The following GDA variants were observed in gnomAD, a reference collection of about 807,000 sequenced individuals.
GDA encodes cytoplasmic PSD-95 interactor.
Under a neutral mutation model 59.6 loss-of-function variants are expected in GDA, and 18 were observed. The ratio of observed to expected loss-of-function variants is 0.30; its 90% CI spans 0.21 to 0.45. The LOEUF is 0.45. GDA is among the 20% of genes least tolerant of loss of function. The pLI, the probability that GDA is intolerant of heterozygous loss-of-function variation, is 1.00. For synonymous variants in GDA, 201 were observed against 201.1 expected (o/e 1.00, Z 0.00); for missense variants, 427 against 552.3 (o/e 0.77, Z 2.27).
chr9:72,142,076 A>G (rs1324604262), intron 1 of GDA, among the ~76,000 whole-genome samples: 2 of 152,322 alleles, frequency 1.3e-5, no homozygotes, highest in Admixed American at 1.3e-4. Context: ...GATAGGTTGC[A>G]TGGGCTAAGT....
chr9:72,151,804 A>G (rs1365088685), intron 1 of GDA, among the ~76,000 whole-genome samples: 2 of 151,808 alleles, frequency 1.3e-5, no homozygotes, highest in Non-Finnish European at 1.5e-5. Flanking sequence ...TGGGGTTTCA[A>G]TGTGTTAACA....
rs61016426 is a variant in GDA at position 72,233,426 on chromosome 9, G to T, written c.988+2245G>T. The stretch of plus-strand genomic sequence containing the variant: ...ACAGGAAATCATGGTTCTATGAAAA[G>T]ATTGTGGTAGAAATTTTAGAAATCA... On this transcript the variant is annotated intron_variant, in intron 10 of 13. Coordinates refer to ENST00000358399, the MANE Select transcript of GDA (RefSeq NM_004293.5). Among the ~76,000 whole-genome samples, 51 of 152,160 alleles carry T rather than the reference G, an allele frequency of 3.4e-4. 1 individual carries two copies. The highest frequency in any genetic ancestry group is 1.2e-3 in the African/African-American group (51 of 41,424).
intron 6 of GDA, 47 bp from the exon 7 acceptor site, chr9:72,223,073 G>A (rs1837101948): frequency 2.1e-6 from 2 of 938,470 alleles, no homozygotes; most frequent in East Asian, 4.9e-5. Flanking sequence ...GTTAATTTTT[G>A]TATATGATGT....
At chr9:72,198,343 TC>T (rs1833455290) in intron 2 of GDA, among the ~76,000 whole-genome samples, 1 of 151,736 alleles carries the variant, frequency 6.6e-6, no homozygotes, top group South Asian at 2.1e-4. Context: ...ATCGAGACTG[TC>T]CTGGCTAACA....
At chr9:72,200,298 C>T (rs1035672285) in intron 2 of GDA, among the ~76,000 whole-genome samples, 10 of 151,776 alleles carry the variant, frequency 6.6e-5, no homozygotes, top group African/African-American at 2.4e-4. Context: ...GCCCAGCCTC[C>T]TCTCCTTCTT....
intron 1 of GDA, among the ~76,000 whole-genome samples, chr9:72,181,504 T>C (rs1831211763): frequency 6.6e-6 from 1 of 152,204 alleles, no homozygotes; most frequent in African/African-American, 2.4e-5. Flanking sequence ...TTTGTATTTT[T>C]AGTAGAGACG....
At position 72,248,978 on chromosome 9, in the gene GDA, T is replaced by A. The variant is rs1232791950; in HGVS notation, c.*636T>A. 2.0e-6 allele frequency: 2 copies of A among 983,828 alleles called. No homozygotes were observed. Among genetic ancestry groups the A allele is most frequent in the Non-Finnish European group, 2.4e-6 (2 of 828,168 alleles). 60.9% of individuals were successfully genotyped at this position (983,828 alleles called of 1,614,324 possible). A position where few individuals can be genotyped will look rare whatever the true frequency, so the allele number is the denominator to read the frequency against. On this transcript the variant is annotated 3_prime_UTR_variant, in exon 14 of 14. Coordinates refer to ENST00000358399, the MANE Select transcript of GDA (RefSeq NM_004293.5). ...GTGCTTTGCCTTCTTTGGCGATGAA[T>A]GTCAGAAATTGAATGCCACATGCTT...
chr9:72,199,331 C>T (rs1220819577), intron 2 of GDA, among the ~76,000 whole-genome samples: 1 of 152,090 alleles, frequency 6.6e-6, no homozygotes, highest in East Asian at 1.9e-4. Flanking sequence ...TATTAATAAT[C>T]ATTTCACGAT....
intron 1 of GDA, among the ~76,000 whole-genome samples, chr9:72,139,538 G>A (rs772567655): frequency 7.2e-5 from 11 of 152,168 alleles, no homozygotes; most frequent in South Asian, 2.1e-4. Flanking sequence ...AGTCATTCCA[G>A]GCCAAGTGCA....
intron 9 of GDA, among the ~76,000 whole-genome samples, chr9:72,230,498 A>AT: frequency 8.3e-6 from 1 of 120,572 alleles, no homozygotes; most frequent in East Asian, 2.7e-4. Flanking sequence ...CTCAAAAAAA[A>AT]AAAATATATA....
chr9:72,238,844 C>T (rs916269373), intron 10 of GDA, among the ~76,000 whole-genome samples: 1 of 152,140 alleles, frequency 6.6e-6, no homozygotes, highest in Non-Finnish European at 1.5e-5. Flanking sequence ...TTCAGCACTT[C>T]AGTTATGTAA....
intron 10 of GDA, among the ~76,000 whole-genome samples, chr9:72,234,043 G>A (rs965439952): frequency 7.9e-5 from 12 of 152,162 alleles, no homozygotes; most frequent in Non-Finnish European, 1.2e-4. Context: ...TCAGCAGGAG[G>A]ATGGATAAGC....
Position 72,247,492 on chromosome 9 carries a change from T to C in GDA, c.1294+59T>C. 3 of 887,978 alleles carry C rather than the reference T, an allele frequency of 3.4e-6. No homozygotes were observed. In the Admixed American group the frequency reaches 5.7e-5, roughly 17 times the overall value. 55.0% of individuals were successfully genotyped at this position (887,978 alleles called of 1,614,324 possible). A position where few individuals can be genotyped will look rare whatever the true frequency, so the allele number is the denominator to read the frequency against. On this transcript the variant is annotated intron_variant, in intron 13 of 13. Coordinates refer to ENST00000358399, the MANE Select transcript of GDA (RefSeq NM_004293.5). Reference sequence around the variant, plus strand: ...AATAGAACCTTTCCCTGTCTTTTTCTTGGGTATGGCTCTATGTATTTATCC... The same window carrying C: ...AATAGAACCTTTCCCTGTCTTTTTCCTGGGTATGGCTCTATGTATTTATCC...
Position 72,171,540 on chromosome 9 carries a change from T to C in GDA, c.123+21858T>C, listed in dbSNP as rs921837092. On this transcript the variant is annotated intron_variant, in intron 1 of 13. Transcript: ENST00000358399. Reference sequence around the variant, plus strand: ...ACCTGGGAAAATTTGGAGGCTGAAATTAAAGATGTGATCCTCCAGAAAACA... The same window carrying C: ...ACCTGGGAAAATTTGGAGGCTGAAACTAAAGATGTGATCCTCCAGAAAACA... Among the ~76,000 whole-genome samples the C allele has an allele frequency of 3.9e-5, 6 of 152,282 alleles. No homozygotes were observed. The East Asian group carries it at 1.2e-3, about 29-fold the overall frequency.
chr9:72,236,776 ATTTTTT>A (rs201065067), intron 10 of GDA, among the ~76,000 whole-genome samples: 70 of 101,454 alleles, frequency 6.9e-4, no homozygotes, highest in African/African-American at 2.7e-3. Flanking sequence ...AACCACTCCT[ATTTTTT>A]TTTTTTTTTT....
At chr9:72,146,555 A>G (rs1203989350), upstream of GDA, among the ~76,000 whole-genome samples, 2 of 151,906 alleles carry the variant, frequency 1.3e-5, no homozygotes, top group African/African-American at 2.4e-5. Flanking sequence ...CAGTGGTTCA[A>G]TCCTGGCTCA....
At chr9:72,166,441 G>T (rs980456588) in intron 1 of GDA, among the ~76,000 whole-genome samples, 3 of 151,858 alleles carry the variant, frequency 2.0e-5, no homozygotes, top group Admixed American at 1.3e-4. Context: ...GGGGAATGAA[G>T]AGAGGTTAGT....
chr9:72,255,505 G>T (rs1840863216), downstream of GDA, among the ~76,000 whole-genome samples: 1 of 152,176 alleles, frequency 6.6e-6, no homozygotes, highest in Non-Finnish European at 1.5e-5. Context: ...GGTCAGCAAG[G>T]TTGTGCCTGT....
At chr9:72,255,744 A>T (rs556672748), downstream of GDA, among the ~76,000 whole-genome samples, 4 of 152,268 alleles carry the variant, frequency 2.6e-5, no homozygotes, top group East Asian at 7.7e-4. Context: ...CATGGTAGTG[A>T]CTCAGAAACG....
Sources: gnomAD v4.1 joint callset for allele counts (sites outside exome capture counted in the v4.1 genomes callset) on GRCh38, gnomAD v4.1.1 for gene constraint, MANE v1.5 for transcripts, NCBI Gene and HGNC (gene_info 2026-07-23, HGNC 2026-07-21) for gene names.